Variants in CRYBB1 observed in about 807,000 individuals in gnomAD.
CRYBB1 encodes beta-crystallin B1.
CRYBB1 carries 16 observed loss-of-function variants against 29.5 expected under a neutral mutation model. That is an observed-to-expected ratio of 0.54 (90% CI 0.37 to 0.82). The LOEUF is 0.82. CRYBB1 is among the 40% of genes least tolerant of loss of function. The pLI is 0.00. For synonymous variants in CRYBB1, 127 were observed against 136.7 expected, an observed-to-expected ratio of 0.93 and a Z score of 0.49; for missense variants, 300 against 350.5, an observed-to-expected ratio of 0.86 and a Z score of 1.15.
At chr22:26,611,999 A>G (rs1929181434) in intron 3 of CRYBB1, 73 bp downstream of exon 3, 1 of 1,103,346 alleles carries the variant, frequency 9.1e-7, no homozygotes, top group African/African-American at 1.5e-5. Context: ...CAGATGCTGG[A>G]GAAATGGCAG....
At chr22:26,611,379 C>A (rs530812841) in intron 3 of CRYBB1, among the ~76,000 whole-genome samples, 1 of 152,176 alleles carries the variant, frequency 6.6e-6, no homozygotes, top group Non-Finnish European at 1.5e-5. Flanking sequence ...GGCAGCTGGA[C>A]GCCCAGGAGA....
chr22:26,617,268 C>T (rs954587592), intron 1 of CRYBB1, among the ~76,000 whole-genome samples: 5 of 152,136 alleles, frequency 3.3e-5, no homozygotes, highest in Non-Finnish European at 7.4e-5. Context: ...TGATGAATAC[C>T]TCAACTTTGT....
chr22:26,612,534 G>A (rs1221886937), intron 2 of CRYBB1, among the ~76,000 whole-genome samples: 2 of 152,156 alleles, frequency 1.3e-5, no homozygotes, highest in Admixed American at 6.6e-5. Flanking sequence ...GCTATTTTTT[G>A]TAGAGACAGG....
At chr22:26,605,918 T>A (rs527672968) in intron 4 of CRYBB1, among the ~76,000 whole-genome samples, 117 of 152,044 alleles carry the variant, frequency 7.7e-4, no homozygotes, top group Non-Finnish European at 1.6e-3. Context: ...AGACCAAGCT[T>A]ATTTAACCTG....
At chr22:26,616,778 G>A (rs1317063450) in intron 1 of CRYBB1, among the ~76,000 whole-genome samples, 3 of 152,178 alleles carry the variant, frequency 2.0e-5, no homozygotes, top group Admixed American at 6.5e-5. Context: ...AACCTCACCC[G>A]ATGGAGTAGC....
intron 3 of CRYBB1, among the ~76,000 whole-genome samples, chr22:26,610,500 C>T (rs1487168816): frequency 1.3e-5 from 2 of 151,994 alleles, no homozygotes; most frequent in Admixed American, 6.6e-5. Context: ...TCACTGGTAC[C>T]AAAAAAAGCC....
intron 2 of CRYBB1, among the ~76,000 whole-genome samples, chr22:26,614,659 A>G (rs1929285626): frequency 1.3e-5 from 2 of 152,318 alleles, no homozygotes; most frequent in South Asian, 4.1e-4. Flanking sequence ...TACAAAGAAA[A>G]GCCCAGAATA....
intron 4 of CRYBB1, among the ~76,000 whole-genome samples, chr22:26,606,945 TATTATAAGA>T (rs1928994703): frequency 1.3e-5 from 2 of 151,956 alleles, no homozygotes; most frequent in South Asian, 4.1e-4. Context: ...CTTAGTTAAA[TATTATAAGA>T]AACTAATTCA....
intron 2 of CRYBB1, among the ~76,000 whole-genome samples, chr22:26,613,098 C>G (rs1037362136): frequency 1.3e-5 from 2 of 152,222 alleles, no homozygotes; most frequent in Non-Finnish European, 2.9e-5. Context: ...GCCCCAGTAC[C>G]TGCCACAGAG....
At chr22:26,603,517 A>G (rs1345182125) in intron 4 of CRYBB1, among the ~76,000 whole-genome samples, 2 of 151,854 alleles carry the variant, frequency 1.3e-5, no homozygotes, top group African/African-American at 4.8e-5. Flanking sequence ...GCGACAGAGC[A>G]AGACTGTCTC....
intron 4 of CRYBB1, among the ~76,000 whole-genome samples, chr22:26,605,294 G>C (rs927865414): frequency 1.3e-5 from 2 of 152,150 alleles, no homozygotes; most frequent in African/African-American, 2.4e-5. Context: ...CTGCCTCCCT[G>C]GGTAGCTTAA....
intron 3 of CRYBB1, among the ~76,000 whole-genome samples, chr22:26,609,088 C>T (rs1472034314): frequency 6.6e-6 from 1 of 152,034 alleles, no homozygotes; most frequent in Non-Finnish European, 1.5e-5. Flanking sequence ...ACCTTTGCTC[C>T]CCGTGTGTTC....
intron 4 of CRYBB1, 70 bp from the exon 5 acceptor site, chr22:26,602,091 C>T: frequency 6.3e-7 from 1 of 1,590,142 alleles, no homozygotes; most frequent in South Asian, 1.1e-5. Context: ...TTAGCGGGGC[C>T]TTCTGGGTGT....
intron 3 of CRYBB1, among the ~76,000 whole-genome samples, chr22:26,611,476 T>G (rs868716922): frequency 2.7e-5 from 4 of 148,412 alleles, no homozygotes; most frequent in South Asian, 2.2e-4. Context: ...TTTGTTTTTT[T>G]TTTTTTTTTG....
In CRYBB1 at chr22:26,608,029, C is replaced by A. The variant is rs1569205568; in HGVS notation, c.300-8G>T. On this transcript the variant is annotated splice_polypyrimidine_tract_variant and splice_region_variant and intron_variant, in intron 3 of 5. Coordinates refer to ENST00000647684, the MANE Select transcript of CRYBB1 (RefSeq NM_001887.4). ...TGCTCAAAGGCGACCCAGCTGGATACAAGAAGGACCATGAGGCAGACAGGA... is the reference window on the plus strand; with the variant it reads ...TGCTCAAAGGCGACCCAGCTGGATAAAAGAAGGACCATGAGGCAGACAGGA... 1 of 1,614,136 alleles carries A rather than the reference C, an allele frequency of 6.2e-7. No individual in the cohort carries two copies. Among genetic ancestry groups the A allele is most frequent in the East Asian group, 2.2e-5 (1 of 44,888 alleles).
At chr22:26,607,799 C>T in intron 4 of CRYBB1, 90 bp downstream of exon 4, 1 of 1,583,252 alleles carries the variant, frequency 6.3e-7, no homozygotes, top group Non-Finnish European at 8.6e-7. Flanking sequence ...TACCCACCAT[C>T]ATCTCCTTCT....
chr22:26,611,469 G>GTTTTTT (rs796631077), intron 3 of CRYBB1, among the ~76,000 whole-genome samples: 1 of 133,318 alleles, frequency 7.5e-6, no homozygotes, highest in Non-Finnish European at 1.6e-5. Flanking sequence ...TTTTTTTTTT[G>GTTTTTT]TTTTTTTTTT....
intron 3 of CRYBB1, among the ~76,000 whole-genome samples, chr22:26,610,065 A>G (rs1355809936): frequency 6.6e-6 from 1 of 152,020 alleles, no homozygotes; most frequent in Non-Finnish European, 1.5e-5. Context: ...AAGTCCCCCT[A>G]AAATCTCCCC....
intron 5 of CRYBB1, among the ~76,000 whole-genome samples, chr22:26,600,979 G>A (rs556134483): frequency 2.0e-5 from 3 of 152,342 alleles, no homozygotes; most frequent in African/African-American, 7.2e-5. Context: ...TTCCTTGAAG[G>A]TAGGAACTTG....
Sources: gnomAD v4.1 joint callset for allele counts (sites outside exome capture counted in the v4.1 genomes callset) on GRCh38, gnomAD v4.1.1 for gene constraint, MANE v1.5 for transcripts, NCBI Gene and HGNC (gene_info 2026-07-23, HGNC 2026-07-21) for gene names.